Variants in TENT5D observed in about 807,000 individuals in gnomAD.
TENT5D encodes the protein terminal nucleotidyltransferase 5D.
For missense variants in TENT5D, 191 were observed against 287.0 expected, an observed-to-expected ratio of 0.67 and a Z score of 2.42; for synonymous variants, 103 against 100.6, an observed-to-expected ratio of 1.02 and a Z score of -0.15.
intron 3 of TENT5D, among the ~76,000 whole-genome samples, chrX:80,388,886 G>A (rs558369031): frequency 9.0e-6 from 1 of 111,376 alleles, no homozygotes; most frequent in African/African-American, 3.3e-5. Flanking sequence ...TTACCCCACA[G>A]TGGCAAGGCT....
upstream of TENT5D, among the ~76,000 whole-genome samples, chrX:80,419,222 A>T (rs1931836219): frequency 1.8e-5 from 2 of 111,416 alleles, no homozygotes; most frequent in Non-Finnish European, 3.8e-5. Context: ...TATTATATAT[A>T]TCATGTAATG....
intron 3 of TENT5D, among the ~76,000 whole-genome samples, chrX:80,397,956 G>GGAGGGA (rs1164439327): frequency 5.3e-4 from 57 of 107,740 alleles, no homozygotes; most frequent in East Asian, 1.1e-3. Context: ...AGAGGGCGAG[G>GGAGGGA]GAGGGAGAGG....
At chrX:80,382,706 C>CA (rs1317066766) in intron 3 of TENT5D, among the ~76,000 whole-genome samples, 1 of 108,736 alleles carries the variant, frequency 9.2e-6, no homozygotes, top group Non-Finnish European at 1.9e-5. Flanking sequence ...TGGCGGACGC[C>CA]CCCCCCCCAC....
chrX:80,430,352 G>A (rs1932065022), intron 1 of TENT5D, among the ~76,000 whole-genome samples: 1 of 111,227 alleles, frequency 9.0e-6, no homozygotes, highest in Non-Finnish European at 1.9e-5. Flanking sequence ...GGGTGTTACA[G>A]CCAGAGGAGC....
chrX:80,422,763 G>A (rs185281557), intron 1 of TENT5D, among the ~76,000 whole-genome samples: 2 of 111,767 alleles, frequency 1.8e-5, no homozygotes, highest in East Asian at 2.8e-4. Context: ...TCCTCAGATA[G>A]TGTTTAAGAG....
At chrX:80,409,123 C>G (rs1182998044) in intron 3 of TENT5D, among the ~76,000 whole-genome samples, 1 of 109,177 alleles carries the variant, frequency 9.2e-6, no homozygotes, top group African/African-American at 3.3e-5. Flanking sequence ...CTATCTATGA[C>G]AAACCCACAG....
chrX:80,398,281 A>G (rs1334324552), intron 3 of TENT5D, among the ~76,000 whole-genome samples: 1 of 111,871 alleles, frequency 8.9e-6, no homozygotes, highest in African/African-American at 3.3e-5. Flanking sequence ...ATTTGAGTTC[A>G]TTATATATTC....
intron 3 of TENT5D, among the ~76,000 whole-genome samples, chrX:80,391,117 T>A (rs190689514): frequency 1.8e-5 from 2 of 111,816 alleles, no homozygotes; most frequent in East Asian, 5.6e-4. Context: ...TTTGAGCACC[T>A]TTTATATACC....
At chrX:80,346,699 T>C (rs776258233) in intron 3 of TENT5D, among the ~76,000 whole-genome samples, 3 of 111,571 alleles carry the variant, frequency 2.7e-5, no homozygotes, top group Non-Finnish European at 5.6e-5. Context: ...CTGGGATACA[T>C]GTGCTGAATG....
chrX:80,403,914 G>C (rs1366897555), intron 3 of TENT5D, among the ~76,000 whole-genome samples: 2 of 112,006 alleles, frequency 1.8e-5, no homozygotes, highest in African/African-American at 6.5e-5. Flanking sequence ...TCAGGGTACA[G>C]TTTGCTTTTA....
intron 3 of TENT5D, among the ~76,000 whole-genome samples, chrX:80,379,583 G>C (rs978424326): frequency 9.9e-5 from 11 of 110,920 alleles, no homozygotes; most frequent in African/African-American, 3.6e-4. Flanking sequence ...GAATCCATCT[G>C]GTCCTGGACT....
At chrX:80,361,478 C>T (rs777395117) in intron 3 of TENT5D, among the ~76,000 whole-genome samples, 1 of 112,191 alleles carries the variant, frequency 8.9e-6, no homozygotes, top group East Asian at 2.8e-4. Context: ...GTTTTTAGTG[C>T]TTCCTAGTCT....
chrX:80,392,852 C>CT (rs1366101276), intron 3 of TENT5D, among the ~76,000 whole-genome samples: 1 of 110,928 alleles, frequency 9.0e-6, no homozygotes, highest in Non-Finnish European at 1.9e-5. Flanking sequence ...CTTCTCTAAA[C>CT]TTTTTTTTGC....
chrX:80,366,874 G>T (rs1408040953), intron 3 of TENT5D, among the ~76,000 whole-genome samples: 2 of 111,212 alleles, frequency 1.8e-5, no homozygotes, highest in Non-Finnish European at 3.8e-5. Context: ...CTTTATTGAG[G>T]AATCTATAAT....
At chrX:80,404,432 A>C (rs1931443657) in intron 3 of TENT5D, among the ~76,000 whole-genome samples, 1 of 111,933 alleles carries the variant, frequency 8.9e-6, no homozygotes, top group Non-Finnish European at 1.9e-5. Context: ...ATTTTGTATT[A>C]AGGAGTGTGT....
intron 3 of TENT5D, among the ~76,000 whole-genome samples, chrX:80,390,764 T>C (rs67823028): frequency 0.097 from 10,729 of 110,835 alleles, 522 homozygotes; most frequent in African/African-American, 0.18. Context: ...GGAATAAATG[T>C]CCTCCACAAG....
intron 2 of TENT5D, among the ~76,000 whole-genome samples, chrX:80,342,245 C>A (rs1408293369): frequency 9.0e-6 from 1 of 111,633 alleles, no homozygotes; most frequent in Non-Finnish European, 1.9e-5. Flanking sequence ...TCAGACTTTT[C>A]ATAGAACTTT....
At chrX:80,430,334 G>C (rs181423004) in intron 1 of TENT5D, among the ~76,000 whole-genome samples, 12 of 111,292 alleles carry the variant, frequency 1.1e-4, no homozygotes, top group Admixed American at 1.1e-3. Flanking sequence ...CGAAATTAGG[G>C]GTTTCTTGGG....
chrX:80,380,155 T>G (rs1229745603), intron 3 of TENT5D, among the ~76,000 whole-genome samples: 3 of 109,609 alleles, frequency 2.7e-5, no homozygotes. Context: ...TCTGGTATGT[T>G]GTGCCTTTGT....
Sources: gnomAD v4.1 joint callset for allele counts (sites outside exome capture counted in the v4.1 genomes callset) on GRCh38, gnomAD v4.1.1 for gene constraint, MANE v1.5 for transcripts, NCBI Gene and HGNC (gene_info 2026-07-23, HGNC 2026-07-21) for gene names.